The following DERL1 variants were observed in gnomAD, a reference collection of about 807,000 sequenced individuals.
DERL1 encodes derlin 1.
In DERL1, 24 loss-of-function variants were observed where a neutral mutation model predicts 41.6. The ratio of observed to expected loss-of-function variants is 0.58; its 90% CI spans 0.42 to 0.81. DERL1 has a LOEUF of 0.81. Ranked by LOEUF, DERL1 falls within the 30% of genes least tolerant of loss-of-function variation. DERL1 has a pLI of 0.00. For missense variants in DERL1, 260 were observed against 314.3 expected (o/e 0.83, Z 1.31); for synonymous variants, 124 against 112.5 (o/e 1.10, Z -0.65).
chr8:123,030,565 G>A (rs779341638), intron 2 of DERL1, 40 bp downstream of exon 2: 1 of 1,403,106 alleles, frequency 7.1e-7, no homozygotes. Flanking sequence ...ATTAGTAAAT[G>A]AGAAAGAAAC....
chr8:123,030,016 C>G (rs1450004863), intron 2 of DERL1, among the ~76,000 whole-genome samples: 1 of 151,962 alleles, frequency 6.6e-6, no homozygotes, highest in African/African-American at 2.4e-5. Flanking sequence ...ACTGAGATGG[C>G]ACCACTGCAC....
intron 1 of DERL1, among the ~76,000 whole-genome samples, chr8:123,034,614 C>G (rs914899393): frequency 1.5e-4 from 23 of 152,284 alleles, no homozygotes; most frequent in African/African-American, 5.5e-4. Flanking sequence ...CAGTCTGACT[C>G]CAGAGTTTGT....
At chr8:123,023,059 A>G (rs1812601033) in intron 4 of DERL1, among the ~76,000 whole-genome samples, 1 of 152,246 alleles carries the variant, frequency 6.6e-6, no homozygotes, top group South Asian at 2.1e-4. Context: ...GCATTACCAT[A>G]TAATCTCAAT....
intron 1 of DERL1, among the ~76,000 whole-genome samples, chr8:123,041,131 A>G (rs192801610): frequency 2.6e-4 from 39 of 152,386 alleles, no homozygotes; most frequent in Admixed American, 2.1e-3. Flanking sequence ...AGTCAGGAAG[A>G]TAAGGAACCA....
Position 123,015,570 on chromosome 8 carries a change from G to A in DERL1, c.633C>T (p.Pro211=), listed in dbSNP as rs766140391. The change falls in exon 8 of 8, where the codon CCC becomes CCT. Residue 211 remains proline, a synonymous_variant. Transcript: ENST00000259512. ...STPQFLYRWL[P]SRRGGVSGFG... ...ATCCTGATACTCCTCCTCTCCTACTGGGCAGCCAGCGGTACCTGGTGCAGA... is the reference window on the plus strand; with the variant it reads ...ATCCTGATACTCCTCCTCTCCTACTAGGCAGCCAGCGGTACCTGGTGCAGA... The A allele has an allele frequency of 3.2e-5, 51 of 1,609,966 alleles. 1 individual carries two copies. Among genetic ancestry groups the A allele is most frequent in the Non-Finnish European group, 2.5e-5 (29 of 1,178,160 alleles).
intron 1 of DERL1, among the ~76,000 whole-genome samples, chr8:123,041,579 A>C (rs1049509610): frequency 3.3e-5 from 5 of 152,236 alleles, no homozygotes; most frequent in Admixed American, 6.5e-5. Flanking sequence ...GGTGAAGTTG[A>C]CACCTACAGG....
chr8:123,031,574 A>T (rs529784096), intron 1 of DERL1, among the ~76,000 whole-genome samples: 41 of 152,276 alleles, frequency 2.7e-4, no homozygotes, highest in Admixed American at 1.4e-3. Flanking sequence ...ATTAAAATAA[A>T]TTAAATAATA....
intron 1 of DERL1, among the ~76,000 whole-genome samples, chr8:123,031,567 A>C (rs906717997): frequency 6.6e-6 from 1 of 152,184 alleles, no homozygotes; most frequent in African/African-American, 2.4e-5. Context: ...TAATTTAATT[A>C]AAATAAATTA....
rs1466362052 is a variant in DERL1, at chr8:123,021,512, G to A, written c.454-13C>T. 14 of 1,612,620 alleles carry A rather than the reference G, an allele frequency of 8.7e-6. No individual in the cohort carries two copies. The highest frequency in any genetic ancestry group is 1.2e-5 in the Non-Finnish European group (14 of 1,178,812). On this transcript the variant is annotated splice_polypyrimidine_tract_variant and intron_variant, in intron 5 of 7. Coordinates refer to ENST00000259512, the MANE Select transcript of DERL1 (RefSeq NM_024295.6). ...GTAAATAGCAGGCCTAGGATGGAAT[G>A]AATATATGCAAATGTGAGTAGCCAC... is the stretch of plus-strand genomic sequence containing the variant.
chr8:123,023,805 T>A (rs1812620893), intron 3 of DERL1, 66 bp from the exon 4 acceptor site: 6 of 1,550,140 alleles, frequency 3.9e-6, no homozygotes, highest in East Asian at 4.6e-5. Context: ...ACTGATGTGG[T>A]TATTTTCCTC....
chr8:123,035,224 G>A (rs759900780), intron 1 of DERL1, among the ~76,000 whole-genome samples: 3 of 152,210 alleles, frequency 2.0e-5, no homozygotes, highest in Non-Finnish European at 2.9e-5. Flanking sequence ...TCTTTTCCCT[G>A]TTCATTAAGC....
At chr8:123,040,039 G>A (rs1272098110) in intron 1 of DERL1, among the ~76,000 whole-genome samples, 4 of 152,200 alleles carry the variant, frequency 2.6e-5, no homozygotes, top group Admixed American at 6.5e-5. Context: ...CCAACATGGC[G>A]AAACCCCGTC....
intron 7 of DERL1, 167 bp from the exon 8 acceptor site, chr8:123,015,752 C>T (rs2130449268): frequency 1.3e-6 from 1 of 753,384 alleles, no homozygotes; most frequent in Non-Finnish European, 2.0e-6. Flanking sequence ...TGTACTCAGC[C>T]CCATGACCTG....
chr8:123,015,492 G>T lies in DERL1; in HGVS notation c.711C>A (p.Gly237=). ...MRRAADQNGG[G]GRHNWGQGFR... is the part of the protein sequence containing the mutation. Reference sequence around the variant, plus strand: ...AGCCCTGGCCCCAGTTGTGTCTCCCGCCTCCGCCATTCTGATCAGCAGCTC... The same window carrying T: ...AGCCCTGGCCCCAGTTGTGTCTCCCTCCTCCGCCATTCTGATCAGCAGCTC... The change falls in exon 8 of 8, where the codon GGC becomes GGA. Residue 237 remains glycine, a synonymous_variant. Transcript: ENST00000259512. 6.2e-7 allele frequency: 1 copy of T among 1,613,032 alleles called. No homozygotes were observed. The highest frequency in any genetic ancestry group is 8.5e-7 in the Non-Finnish European group (1 of 1,179,576).
In DERL1 at chr8:123,028,919, C is replaced by T. The variant is rs368692470; in HGVS notation, c.265+1686G>A. On this transcript the variant is annotated intron_variant, in intron 2 of 7. Transcript: ENST00000259512. ...CCATCTCTACAAAAAATACAAAAGT[C>T]AGCCAGGTGTGGCGGTTTAACACCC... is the stretch of plus-strand genomic sequence containing the variant. Among the ~76,000 whole-genome samples, 36 of 152,060 alleles carry T rather than the reference C, an allele frequency of 2.4e-4. 1 individual carries two copies. The highest frequency in any genetic ancestry group is 8.7e-4 in the African/African-American group (36 of 41,496).
At chr8:123,034,400 C>A (rs1052702130) in intron 1 of DERL1, among the ~76,000 whole-genome samples, 9 of 152,304 alleles carry the variant, frequency 5.9e-5, no homozygotes, top group Middle Eastern at 3.4e-3. Context: ...TTGAGAAGAC[C>A]TGGGTTTAAG....
At chr8:123,024,519 C>T (rs1041599050) in intron 3 of DERL1, among the ~76,000 whole-genome samples, 1 of 152,214 alleles carries the variant, frequency 6.6e-6, no homozygotes, top group Non-Finnish European at 1.5e-5. Context: ...GAGAAACGTA[C>T]TGTGTCCCTT....
rs1352834539 is a variant in DERL1, at chr8:123,019,206, T to A, written c.606A>T (p.Thr202=). Residue 202 remains threonine (T), a synonymous_variant, in exon 7 of 8, where the codon ACA becomes ACT. Transcript: ENST00000259512. ...ACAAAAACACTTACAAAAACTGAGG[T>A]GTGGATAGAAAATTTCTTCCTCCCA... is the stretch of plus-strand genomic sequence containing the variant. ...MDLGGRNFLS[T]PQFLYRWLPS... The A allele has an allele frequency of 7.5e-6, 12 of 1,609,248 alleles. No individual in the cohort carries two copies. The highest frequency in any genetic ancestry group is 1.0e-5 in the Non-Finnish European group (12 of 1,175,742).
chr8:123,030,792 T>C, intron 1 of DERL1, 76 bp from the exon 2 acceptor site: 1 of 1,004,370 alleles, frequency 1.0e-6, no homozygotes, highest in Middle Eastern at 2.0e-4. Flanking sequence ...CTAAACAAAA[T>C]TAACAAAGCA....
Sources: gnomAD v4.1 joint callset for allele counts (sites outside exome capture counted in the v4.1 genomes callset) on GRCh38, gnomAD v4.1.1 for gene constraint, MANE v1.5 for transcripts, NCBI Gene and HGNC (gene_info 2026-07-23, HGNC 2026-07-21) for gene names.